The following MCF2L variants were observed in gnomAD, a reference collection of about 807,000 sequenced individuals.
MCF2L encodes the protein MCF.2 cell line derived transforming sequence like.
MCF2L carries 97 observed loss-of-function variants against 153.4 expected under a neutral mutation model. The observed-to-expected ratio is 0.63, with a 90% CI of 0.54 to 0.75. The LOEUF is 0.75. Among genes scored for constraint, MCF2L ranks in the 30% least tolerant of loss-of-function variants. The pLI is 0.00. For synonymous variants in MCF2L, 659 were observed against 632.2 expected, an observed-to-expected ratio of 1.04 and a Z score of -0.64; for missense variants, 1,347 against 1,495.2, an observed-to-expected ratio of 0.90 and a Z score of 1.64.
At chr13:113,040,390 G>C (rs544540495) in intron 3 of MCF2L, 1 of 133,766 alleles carries the variant, frequency 7.5e-6, no homozygotes, top group South Asian at 2.3e-4. Context: ...TAACCGAGTC[G>C]CACTGTGCAG....
At chr13:113,075,711 C>T (rs112778050) in intron 11 of MCF2L, among the ~76,000 whole-genome samples, 9,887 of 152,270 alleles carry the variant, frequency 0.065, 477 homozygotes, top group East Asian at 0.23. Context: ...TCTCCAGGCC[C>T]CGCCCTGGGT....
At chr13:113,013,672 G>T (rs184283793) in intron 1 of MCF2L, among the ~76,000 whole-genome samples, 4 of 152,192 alleles carry the variant, frequency 2.6e-5, no homozygotes, top group Admixed American at 6.5e-5. Flanking sequence ...AAAATTGAGC[G>T]TTTAAGCCAT....
intron 2 of MCF2L, among the ~76,000 whole-genome samples, chr13:112,952,773 A>G (rs1241918627): frequency 1.3e-5 from 2 of 152,252 alleles, no homozygotes; most frequent in Non-Finnish European, 2.9e-5. Context: ...TGGAGCAGGA[A>G]CATAGCATCA....
rs1360089257 is a variant in MCF2L, at chr13:112,983,018, G to A, written c.79+13560G>A. 1.3e-5 allele frequency among the ~76,000 whole-genome samples: 2 copies of A among 152,146 alleles called. No homozygotes were observed. Among genetic ancestry groups the A allele is most frequent in the Non-Finnish European group, 2.9e-5 (2 of 68,018 alleles). Reference sequence around the variant, plus strand: ...CAGGAGGCGCTGGTTCCAGTGGGGAGGTTGGGGAAAGCACTTCCTGATGCC... The same window carrying A: ...CAGGAGGCGCTGGTTCCAGTGGGGAAGTTGGGGAAAGCACTTCCTGATGCC... On this transcript the variant is annotated intron_variant, in intron 1 of 29. Transcript: ENST00000535094. The surrounding 1 kb of genome is among the most constrained non-coding windows in gnomAD (Gnocchi z 4.0).
intron 2 of MCF2L, among the ~76,000 whole-genome samples, chr13:112,963,269 T>C (rs2140765598): frequency 6.6e-6 from 1 of 152,218 alleles, no homozygotes; most frequent in East Asian, 1.9e-4. Flanking sequence ...TTAAGTTGCT[T>C]TTGAAGGAAT....
chr13:113,086,518 G>A (rs1193500680), intron 21 of MCF2L, among the ~76,000 whole-genome samples: 1 of 152,194 alleles, frequency 6.6e-6, no homozygotes, highest in Non-Finnish European at 1.5e-5. Flanking sequence ...CGCATCTCCA[G>A]CAGGAACGCA....
Position 113,096,616 on chromosome 13 carries a change from C to T in MCF2L, c.3255C>T (p.Leu1085=), listed in dbSNP as rs376586394. The stretch of plus-strand genomic sequence containing the variant: ...CGGCCAGCAGCCTGTCCGTCCGGCT[C>T]GGCCCGTCCGGCTCGGCCCAGTGCC... ...WVPASSLSVR[L]GPSGSAQCLS... is the part of the protein sequence containing the mutation. Residue 1085 remains leucine, a synonymous_variant, in exon 29 of 30, where the codon CTC becomes CTT. Coordinates refer to ENST00000535094, the MANE Select transcript of MCF2L (RefSeq NM_001112732.3). The T allele has an allele frequency of 1.8e-5, 28 of 1,596,300 alleles. No homozygotes were observed. The highest frequency in any genetic ancestry group is 1.1e-4 in the East Asian group (5 of 44,504).
At chr13:112,937,438 G>A (rs1464493162) in intron 2 of MCF2L, among the ~76,000 whole-genome samples, 1 of 152,174 alleles carries the variant, frequency 6.6e-6, no homozygotes, top group Non-Finnish European at 1.5e-5. Flanking sequence ...ATAAGCCTTA[G>A]GTAAAGCTGA....
chr13:112,968,558 G>C, upstream of MCF2L: 3 of 1,547,450 alleles, frequency 1.9e-6, no homozygotes, highest in Non-Finnish European at 2.6e-6. Flanking sequence ...GGGAGGGGCT[G>C]GTCCATCCCC....
At chr13:113,091,004 G>A in intron 26 of MCF2L, 1 of 1,255,298 alleles carries the variant, frequency 8.0e-7, no homozygotes, top group Non-Finnish European at 1.0e-6. Context: ...TCGGTGGAAA[G>A]GGGCCACAAC....
At chr13:112,923,911 G>A (rs2081378282) in intron 2 of MCF2L, among the ~76,000 whole-genome samples, 2 of 152,146 alleles carry the variant, frequency 1.3e-5, no homozygotes, top group South Asian at 4.1e-4. Context: ...TTTGGAGAGG[G>A]CAGGCCAGTT....
intron 20 of MCF2L, 126 bp from the exon 21 acceptor site, chr13:113,085,998 A>T: frequency 1.0e-6 from 1 of 987,266 alleles, no homozygotes; most frequent in South Asian, 1.9e-5. Context: ...CAGGCAGGGC[A>T]GCTCCCCACA....
At chr13:113,033,212 G>A (rs1338412745) in intron 3 of MCF2L, among the ~76,000 whole-genome samples, 18 of 142,096 alleles carry the variant, frequency 1.3e-4, no homozygotes, top group South Asian at 4.5e-4. Context: ...AGTGGCCCCC[G>A]TGACATGAGT....
chr13:113,071,049 GCACGTGGT>G (rs1319670261), intron 9 of MCF2L, among the ~76,000 whole-genome samples: 91 of 152,280 alleles, frequency 6.0e-4, no homozygotes, highest in African/African-American at 2.2e-3. Flanking sequence ...CCTTTCCCCA[GCACGTGGT>G]GGGGTAGTGA....
chr13:113,083,722 G>C (rs1016279545), intron 17 of MCF2L, among the ~76,000 whole-genome samples: 9 of 152,220 alleles, frequency 5.9e-5, no homozygotes, highest in Admixed American at 4.6e-4. Context: ...CTGCGGCCCT[G>C]TGAGCCGTGT....
At chr13:112,913,726 T>C (rs1028693148) in intron 2 of MCF2L, among the ~76,000 whole-genome samples, 2 of 149,894 alleles carry the variant, frequency 1.3e-5, no homozygotes, top group Non-Finnish European at 3.0e-5. Flanking sequence ...GCCCCAGGGA[T>C]GCTGGGGAAG....
chr13:112,917,888 C>A (rs998598241), intron 2 of MCF2L, among the ~76,000 whole-genome samples: 1 of 151,948 alleles, frequency 6.6e-6, no homozygotes, highest in South Asian at 2.1e-4. Flanking sequence ...ACCTGCCCAC[C>A]CCCCTGCTCC....
chr13:113,015,412 C>T (rs1050776232), intron 2 of MCF2L, among the ~76,000 whole-genome samples: 2 of 152,250 alleles, frequency 1.3e-5, no homozygotes, highest in African/African-American at 4.8e-5. Flanking sequence ...ACACCATGCA[C>T]ATGCATGCCC....
chr13:113,056,866 AGTGGGTGCTGAGTG>A (rs2029984644), intron 4 of MCF2L, among the ~76,000 whole-genome samples: 7 of 77,502 alleles, frequency 9.0e-5, no homozygotes, highest in South Asian at 4.8e-4. Context: ...TTCGGCGCTG[AGTGGGTGCTGAGTG>A]GGTGCTGTGT....
Sources: gnomAD v4.1 joint callset for allele counts (sites outside exome capture counted in the v4.1 genomes callset) on GRCh38, gnomAD v4.1.1 for gene constraint, Gnocchi (gnomAD v3.1) non-coding constraint, MANE v1.5 for transcripts, NCBI Gene and HGNC (gene_info 2026-07-23, HGNC 2026-07-21) for gene names.